The following SLC6A2 variants were observed in gnomAD, a reference collection of about 807,000 sequenced individuals.
The protein encoded by SLC6A2 is sodium-dependent noradrenaline transporter.
Under a neutral mutation model 71.7 loss-of-function variants are expected in SLC6A2, and 26 were observed. The ratio of observed to expected loss-of-function variants is 0.36; its 90% CI spans 0.27 to 0.50. The LOEUF (loss-of-function observed/expected upper bound fraction) is 0.50, where lower values mean the gene tolerates loss of function less well. Among genes scored for constraint, SLC6A2 ranks in the 20% least tolerant of loss-of-function variants. The pLI is 0.96. For missense variants in SLC6A2, 581 were observed against 803.9 expected (o/e 0.72, Z 3.35); for synonymous variants, 363 against 337.9 (o/e 1.07, Z -0.82).
intron 2 of SLC6A2, among the ~76,000 whole-genome samples, chr16:55,666,214 G>A (rs1161105446): frequency 6.6e-6 from 1 of 152,202 alleles, no homozygotes; most frequent in Non-Finnish European, 1.5e-5. Context: ...TGTGAGGCTG[G>A]TTGCAGCTGG....
Position 55,687,496 on chromosome 16 carries a change from CT to C in SLC6A2, c.783+2217del, listed in dbSNP as rs1357344807. Among the ~76,000 whole-genome samples, 10 of 152,266 alleles carry C rather than the reference CT, an allele frequency of 6.6e-5. No individual in the cohort carries two copies. The East Asian group carries it at 1.9e-3, about 29-fold the overall frequency. ...AGAGGTGGGGTGGAAGGAAGGGATT[CT>C]TAGCAGAAGGAACTACATGAGCAAA... is the stretch of plus-strand genomic sequence containing the variant. On this transcript the variant is annotated intron_variant, in intron 5 of 14. Transcript: ENST00000568943.
In SLC6A2 at chr16:55,696,263, T is replaced by A. The variant is rs1347635973; in HGVS notation, c.1186T>A (p.Ser396Thr). Residue 396 changes from serine (S) to threonine (T), a missense_variant, in exon 9 of 15, where the codon TCT becomes ACT. Ser to Thr is a moderately conservative substitution (Grantham distance 58, BLOSUM62 1). This residue lies in a region of SLC6A2 where 334 missense variants were observed against 449.0 expected (regional missense o/e 0.74). Coordinates refer to ENST00000568943, the MANE Select transcript of SLC6A2 (RefSeq NM_001172501.3). ...LVFILYPEAI[S>T]TLSGSTFWAV... The stretch of plus-strand genomic sequence containing the variant: ...GTTCATCCTGTATCCAGAGGCCATT[T>A]CTACCCTGTCTGGATCTACATTCTG... 1.9e-6 allele frequency: 3 copies of A among 1,613,712 alleles called. No individual in the cohort carries two copies. Among genetic ancestry groups the A allele is most frequent in the Non-Finnish European group, 2.5e-6 (3 of 1,179,752 alleles).
intron 13 of SLC6A2, among the ~76,000 whole-genome samples, chr16:55,701,179 C>T (rs1392773810): frequency 6.6e-6 from 1 of 152,108 alleles, no homozygotes; most frequent in East Asian, 1.9e-4. Context: ...GGAAGGCATC[C>T]TTGGGAGCCA....
At chr16:55,695,467 T>C in intron 8 of SLC6A2, 65 bp downstream of exon 8, 2 of 1,574,536 alleles carry the variant, frequency 1.3e-6, no homozygotes, top group Non-Finnish European at 1.7e-6. Context: ...CACCTTATTC[T>C]TGGCTGCATG....
intron 5 of SLC6A2, among the ~76,000 whole-genome samples, chr16:55,689,305 C>T (rs548177878): frequency 6.6e-6 from 1 of 152,352 alleles, no homozygotes; most frequent in African/African-American, 2.4e-5. Context: ...TTCAACAAGA[C>T]TCAGATGGTT....
At position 55,698,005 on chromosome 16, in the gene SLC6A2, G is replaced by A. The variant is rs121918126; in HGVS notation, c.1369G>A (p.Ala457Thr). The change falls in exon 10 of 15, where the codon GCC (alanine) becomes ACC (threonine). Residue 457 changes from alanine to threonine, a missense_variant. Physicochemically the swap from Ala to Thr is moderately conservative, Grantham distance 58. Coordinates refer to ENST00000568943, the MANE Select transcript of SLC6A2 (RefSeq NM_001172501.3). ...FGVTFSTFLL[A>T]LFCITKGGIY... ...CGTCACCTTCAGCACTTTCCTTCTC[G>A]CCCTGTTCTGCATAACCAAGGTGAG... 6 of 1,613,940 alleles carry A rather than the reference G, an allele frequency of 3.7e-6. No individual in the cohort carries two copies. The highest frequency in any genetic ancestry group is 1.3e-5 in the African/African-American group (1 of 74,914).
rs551595179 is a variant in SLC6A2, at chr16:55,686,158, C to T, written c.783+877C>T. Among the ~76,000 whole-genome samples the T allele has an allele frequency of 4.6e-5, 7 of 152,236 alleles. 1 individual carries two copies. In the South Asian group the frequency reaches 1.5e-3, roughly 32 times the overall value. ...CACAATTCTATGGGTTGATTGGGATCAGCTGGGTGGTTCTTCTGCTCCATG... is the reference window on the plus strand; with the variant it reads ...CACAATTCTATGGGTTGATTGGGATTAGCTGGGTGGTTCTTCTGCTCCATG... On this transcript the variant is annotated intron_variant, in intron 5 of 14. Transcript: ENST00000568943.
chr16:55,699,724 A>G lies in SLC6A2; in HGVS notation c.1590+70A>G, dbSNP rs1463925461. 54 of 1,161,000 alleles carry G rather than the reference A, an allele frequency of 4.7e-5. 1 individual carries two copies. The highest frequency in any genetic ancestry group is 6.2e-5 in the Non-Finnish European group (48 of 775,388). 71.9% of individuals were successfully genotyped at this position (1,161,000 alleles called of 1,614,324 possible). On this transcript the variant is annotated intron_variant, in intron 12 of 14. Transcript: ENST00000568943. ...GTGTCCAGGATGGAGCTGGGTGAGGATATTTGCTTCTTAGGGGAGGAGGCT... is the reference window on the plus strand; with the variant it reads ...GTGTCCAGGATGGAGCTGGGTGAGGGTATTTGCTTCTTAGGGGAGGAGGCT...
Position 55,669,589 on chromosome 16 carries a change from T to C in SLC6A2, c.299T>C (p.Leu100Pro). The C allele has an allele frequency of 6.2e-7, 1 of 1,614,090 alleles. No individual in the cohort carries two copies. The highest frequency in any genetic ancestry group is 8.5e-7 in the Non-Finnish European group (1 of 1,179,958). Residue 100 changes from leucine to proline, a missense_variant, in exon 3 of 15, where the codon CTG (leucine) becomes CCG (proline). Coordinates refer to ENST00000568943, the MANE Select transcript of SLC6A2 (RefSeq NM_001172501.3). ...GGTGCCTTCTTGATCCCGTACACACTGTTCCTTATCATCGCGGGGATGCCC... is the reference window on the plus strand; with the variant it reads ...GGTGCCTTCTTGATCCCGTACACACCGTTCCTTATCATCGCGGGGATGCCC... ...GGGAFLIPYT[L>P]FLIIAGMPLF... is the part of the protein sequence containing the mutation.
intron 5 of SLC6A2, among the ~76,000 whole-genome samples, chr16:55,686,749 C>A (rs1484618339): frequency 2.6e-5 from 4 of 152,154 alleles, no homozygotes; most frequent in African/African-American, 9.7e-5. Context: ...ATGTTGGGGA[C>A]ACAGTGTCTA....
In SLC6A2 at chr16:55,704,512, G is replaced by A. The variant is rs899754474; in HGVS notation, c.*2166G>A. 3.3e-5 allele frequency: 5 copies of A among 152,206 alleles called. No homozygotes were observed. Among genetic ancestry groups the A allele is most frequent in the East Asian group, 3.8e-4 (2 of 5,200 alleles). 9.4% of individuals were successfully genotyped at this position (152,206 alleles called of 1,614,324 possible). A position where few individuals can be genotyped will look rare whatever the true frequency, so the allele number is the denominator to read the frequency against. ...AATGTGTTGGAGGATGGGAAGGGGC[G>A]AGAGAATGCCATTTATTTTCCTCTA... On this transcript the variant is annotated 3_prime_UTR_variant, in exon 15 of 15. Transcript: ENST00000568943.
At chr16:55,666,311 C>T (rs1033719978) in intron 2 of SLC6A2, among the ~76,000 whole-genome samples, 1 of 152,130 alleles carries the variant, frequency 6.6e-6, no homozygotes, top group Admixed American at 6.5e-5. Context: ...GGGTTTGCAA[C>T]CAGCCTCGGT....
chr16:55,657,608 G>C (rs1158505852), intron 2 of SLC6A2, among the ~76,000 whole-genome samples: 7 of 152,190 alleles, frequency 4.6e-5, no homozygotes, highest in African/African-American at 1.7e-4. Context: ...GCCAGTAGGT[G>C]CCAAGAACTG....
intron 4 of SLC6A2, among the ~76,000 whole-genome samples, chr16:55,673,043 A>T (rs118011330): frequency 1.7e-4 from 26 of 152,300 alleles, no homozygotes; most frequent in Non-Finnish European, 2.8e-4. Context: ...GAATTTCACC[A>T]ATTTTCCCAC....
In SLC6A2 at chr16:55,672,192, T is replaced by C. The variant is rs1964943307; in HGVS notation, c.644+17T>C. On this transcript the variant is annotated intron_variant, in intron 4 of 14. Coordinates refer to ENST00000568943, the MANE Select transcript of SLC6A2 (RefSeq NM_001172501.3). ...GTTTTATGAGTAAGTCACAGACCCC[T>C]TGTGCTGGGCCTGTTGAGGCCAGTG... is the stretch of plus-strand genomic sequence containing the variant. The C allele has an allele frequency of 6.2e-7, 1 of 1,614,044 alleles. No homozygotes were observed. The highest frequency in any genetic ancestry group is 1.7e-5 in the Admixed American group (1 of 60,008).
chr16:55,703,181 G>C lies in SLC6A2; in HGVS notation c.*835G>C. ...ATGCTGCTCTTGCTCTGTAAGACAC[G>C]GAGCCCAGAAACCCATCTGCACTTC... On this transcript the variant is annotated 3_prime_UTR_variant, in exon 15 of 15. Coordinates refer to ENST00000568943, the MANE Select transcript of SLC6A2 (RefSeq NM_001172501.3). 6.1e-6 allele frequency: 6 copies of C among 985,320 alleles called. No homozygotes were observed. The highest frequency in any genetic ancestry group is 6.0e-6 in the Non-Finnish European group (5 of 829,868). The allele number at this position is 985,320 out of a possible 1,614,324, so 61.0% of individuals were successfully genotyped here.
At chr16:55,667,524 A>G (rs1964787566) in intron 2 of SLC6A2, among the ~76,000 whole-genome samples, 2 of 152,340 alleles carry the variant, frequency 1.3e-5, no homozygotes, top group African/African-American at 4.8e-5. Context: ...CATCTACATC[A>G]GCACACCAGC....
intron 4 of SLC6A2, among the ~76,000 whole-genome samples, chr16:55,673,075 A>C (rs887804001): frequency 1.3e-5 from 2 of 152,198 alleles, no homozygotes; most frequent in South Asian, 2.1e-4. Context: ...TCAGGTATTT[A>C]GTTGCCATGT....
chr16:55,699,687 G>T, intron 12 of SLC6A2, 33 bp downstream of exon 12: 1 of 1,453,906 alleles, frequency 6.9e-7, no homozygotes, highest in Non-Finnish European at 9.7e-7. Flanking sequence ...TCCTGCATGT[G>T]GGGAGGGGGC....
Sources: allele counts gnomAD v4.1 joint callset (sites outside exome capture counted in the v4.1 genomes callset), GRCh38; gene constraint gnomAD v4.1.1; regional missense constraint gnomAD v4.1.1; transcripts MANE v1.5; gene names NCBI Gene and HGNC (gene_info 2026-07-23, HGNC 2026-07-21).